Variants in FOXP2 observed in about 807,000 individuals in gnomAD.
The protein encoded by FOXP2 is forkhead box P2, also known as forkhead box protein P2.
In FOXP2, 12 loss-of-function variants were observed where a neutral mutation model predicts 115.8. The ratio of observed to expected loss-of-function variants is 0.10; its 90% CI spans 0.07 to 0.17. FOXP2 has a LOEUF of 0.17. Among genes scored for constraint, FOXP2 ranks in the 10% least tolerant of loss-of-function variants. FOXP2 has a pLI of 1.00. For synonymous variants in FOXP2, 328 were observed against 297.7 expected, an observed-to-expected ratio of 1.10 and a Z score of -1.05; for missense variants, 629 against 843.5, an observed-to-expected ratio of 0.75 and a Z score of 3.15.
At chr7:114,166,433 G>C (rs1792983138) in intron 1 of FOXP2, among the ~76,000 whole-genome samples, 2 of 152,202 alleles carry the variant, frequency 1.3e-5, no homozygotes, top group African/African-American at 4.8e-5. Flanking sequence ...GCCAGGTGTG[G>C]TGGCTCACGC....
chr7:114,266,420 C>T, intron 1 of FOXP2, among the ~76,000 whole-genome samples: 1 of 152,160 alleles, frequency 6.6e-6, no homozygotes, highest in East Asian at 1.9e-4. Flanking sequence ...GTGCCAGCAT[C>T]TCCTCAGCTT....
At chr7:114,620,475 G>A (rs1486995184) in intron 3 of FOXP2, among the ~76,000 whole-genome samples, 1 of 152,070 alleles carries the variant, frequency 6.6e-6, no homozygotes, top group Non-Finnish European at 1.5e-5. Context: ...GTCATGCTAT[G>A]AAGAGCCTGA....
At chr7:114,268,389 C>T (rs757877356) in intron 1 of FOXP2, among the ~76,000 whole-genome samples, 5 of 152,032 alleles carry the variant, frequency 3.3e-5, no homozygotes, top group Admixed American at 2.6e-4. Context: ...AATATTAGGG[C>T]ATATTAGAAT....
chr7:114,224,038 T>C (rs1373080259), intron 1 of FOXP2, among the ~76,000 whole-genome samples: 9 of 152,102 alleles, frequency 5.9e-5, no homozygotes, highest in Non-Finnish European at 1.0e-4. Context: ...GAACCAATTT[T>C]ATTTTATTTT....
At chr7:114,608,700 A>G (rs923992716) in intron 3 of FOXP2, among the ~76,000 whole-genome samples, 3 of 152,186 alleles carry the variant, frequency 2.0e-5, no homozygotes, top group Admixed American at 1.3e-4. Flanking sequence ...CTCACCACTG[A>G]CCGAAGTAAT....
At chr7:114,118,042 T>C (rs778735551) in intron 1 of FOXP2, among the ~76,000 whole-genome samples, 30 of 152,288 alleles carry the variant, frequency 2.0e-4, no homozygotes, top group Non-Finnish European at 3.8e-4. Flanking sequence ...GAGGTTAGAC[T>C]TCTAACATAT....
intron 2 of FOXP2, among the ~76,000 whole-genome samples, chr7:114,462,661 G>A (rs1795630872): frequency 6.6e-6 from 1 of 152,054 alleles, no homozygotes; most frequent in South Asian, 2.1e-4. Context: ...GTGAGCCACC[G>A]CGCCCGGCTT....
chr7:114,208,662 T>C (rs767624532), intron 1 of FOXP2, among the ~76,000 whole-genome samples: 1 of 151,994 alleles, frequency 6.6e-6, no homozygotes, highest in Non-Finnish European at 1.5e-5. Context: ...GGGAGGGACC[T>C]GGTGGGAGGT....
chr7:114,639,171 A>G (rs953578336), intron 6 of FOXP2, among the ~76,000 whole-genome samples: 1 of 152,160 alleles, frequency 6.6e-6, no homozygotes, highest in African/African-American at 2.4e-5. Flanking sequence ...TGAGATATAA[A>G]ATGTTGTTAG....
At chr7:114,629,675 T>A (rs542097952) in intron 4 of FOXP2, 130 bp from the exon 5 acceptor site, 1 of 1,601,796 alleles carries the variant, frequency 6.2e-7, no homozygotes, top group South Asian at 1.1e-5. Context: ...ATCCAATGTA[T>A]ATTTTTTGTT....
chr7:114,320,917 C>A (rs1797404253), intron 2 of FOXP2, among the ~76,000 whole-genome samples: 2 of 152,236 alleles, frequency 1.3e-5, no homozygotes, highest in East Asian at 1.9e-4. Flanking sequence ...AAGATTTCCA[C>A]CTCCTAGAGG....
At chr7:114,425,871 A>C (rs1431260574) in intron 1 of FOXP2, among the ~76,000 whole-genome samples, 2 of 151,726 alleles carry the variant, frequency 1.3e-5, no homozygotes, top group Non-Finnish European at 2.9e-5. Flanking sequence ...GATTAAAAAA[A>C]TAGGCAATAT....
chr7:114,245,991 TAGA>T (rs1584573934), intron 1 of FOXP2, among the ~76,000 whole-genome samples: 1 of 152,256 alleles, frequency 6.6e-6, no homozygotes, highest in African/African-American at 2.4e-5. Context: ...TCTCTGACAT[TAGA>T]AGGTGATATA....
intron 2 of FOXP2, among the ~76,000 whole-genome samples, chr7:114,354,521 G>A (rs1471494462): frequency 6.6e-6 from 1 of 152,062 alleles, no homozygotes; most frequent in Non-Finnish European, 1.5e-5. Flanking sequence ...CAACAGTGAT[G>A]AATGAAGAGG....
chr7:114,653,231 A>AC (rs1280219805), intron 9 of FOXP2: 1 of 154,352 alleles, frequency 6.5e-6, no homozygotes, highest in African/African-American at 2.4e-5. Flanking sequence ...AAACCTGTTT[A>AC]CCATTTATAA....
chr7:114,142,998 A>G (rs879660504), intron 1 of FOXP2, among the ~76,000 whole-genome samples: 2 of 151,878 alleles, frequency 1.3e-5, no homozygotes, highest in Non-Finnish European at 2.9e-5. Flanking sequence ...GATATAAAAA[A>G]TTAGTCAGGC....
chr7:114,565,303 G>A (rs1335905422), intron 3 of FOXP2, among the ~76,000 whole-genome samples: 1 of 151,886 alleles, frequency 6.6e-6, no homozygotes, highest in Non-Finnish European at 1.5e-5. Flanking sequence ...ATATCCACAT[G>A]GCTAATATAG....
intron 1 of FOXP2, among the ~76,000 whole-genome samples, chr7:114,168,355 C>A (rs1410633353): frequency 5.9e-5 from 9 of 152,116 alleles, no homozygotes; most frequent in Admixed American, 2.0e-4. Flanking sequence ...ACGATAAAGT[C>A]TAGGCTGAGG....
chr7:114,127,756 CTG>C (rs1791755453), intron 1 of FOXP2, among the ~76,000 whole-genome samples: 1 of 152,136 alleles, frequency 6.6e-6, no homozygotes, highest in Admixed American at 6.6e-5. Flanking sequence ...TGTTCTGTGA[CTG>C]TGTAATTATT....
Sources: gnomAD v4.1 joint callset for allele counts (sites outside exome capture counted in the v4.1 genomes callset) on GRCh38, gnomAD v4.1.1 for gene constraint, MANE v1.5 for transcripts, NCBI Gene and HGNC (gene_info 2026-07-23, HGNC 2026-07-21) for gene names.